Variants in ZNF254 observed in about 807,000 individuals in gnomAD.
The protein encoded by ZNF254 is CTD-2017D11.1.
A neutral mutation model predicts 12.4 loss-of-function variants in ZNF254; 10 were observed. The ratio of observed to expected loss-of-function variants is 0.80; its 90% CI spans 0.50 to 1.36. The LOEUF is 1.36. Ranked by LOEUF, ZNF254 falls within the 40% of genes most tolerant of loss-of-function variation. The pLI, the probability that ZNF254 is intolerant of heterozygous loss-of-function variation, is 0.00. For synonymous variants in ZNF254, 305 were observed against 253.4 expected, an observed-to-expected ratio of 1.20 and a Z score of -1.93; for missense variants, 996 against 763.9, an observed-to-expected ratio of 1.30 and a Z score of -3.58.
chr19:24,037,832 C>G (rs1351901817), intron 1 of ZNF254, among the ~76,000 whole-genome samples: 1 of 152,192 alleles, frequency 6.6e-6, no homozygotes, highest in African/African-American at 2.4e-5. Flanking sequence ...TGGTCTCGAG[C>G]TCCCGACCTC....
At chr19:24,040,318 G>A (rs571985831) in intron 1 of ZNF254, among the ~76,000 whole-genome samples, 67 of 152,160 alleles carry the variant, frequency 4.4e-4, no homozygotes, top group Non-Finnish European at 7.5e-4. Flanking sequence ...AAACCTAAAA[G>A]CAAATAAATG....
intron 1 of ZNF254, among the ~76,000 whole-genome samples, chr19:24,090,760 T>C (rs1385596764): frequency 6.6e-6 from 1 of 152,116 alleles, no homozygotes; most frequent in Non-Finnish European, 1.5e-5. Flanking sequence ...TAACTGTGTA[T>C]TGCATTTTAT....
In ZNF254 at chr19:24,087,427, C is replaced by G. The variant is rs898373759; in HGVS notation, c.30+90C>G. ...CTGTGGCGGGACTCAGGCCTCCCCC[C>G]AGTCAGCTCCACAATCTGCGCCCAG... On this transcript the variant is annotated intron_variant, in intron 1 of 3. Transcript: ENST00000357002. The G allele has an allele frequency of 3.1e-4, 469 of 1,532,514 alleles. 1 individual carries two copies. The East Asian group carries it at 8.7e-3, about 28-fold the overall frequency. The allele number at this position is 1,532,514 out of a possible 1,614,324, so 94.9% of individuals were successfully genotyped here.
At chr19:24,105,360 A>AAAAAAC (rs1973274337) in intron 1 of ZNF254, 2 of 234,762 alleles carry the variant, frequency 8.5e-6, no homozygotes, top group African/African-American at 2.4e-5. Context: ...AAAACTAAAA[A>AAAAAAC]AAAAAACAAA....
intron 2 of ZNF254, chr19:24,079,100 T>A (rs1444136494): frequency 6.6e-6 from 1 of 152,118 alleles, no homozygotes; most frequent in Non-Finnish European, 1.5e-5. Flanking sequence ...GTAGGGAAAA[T>A]GGGATAAAAT....
intron 2 of ZNF254, among the ~76,000 whole-genome samples, chr19:24,074,279 C>G (rs1165635666): frequency 2.6e-5 from 4 of 152,106 alleles, no homozygotes; most frequent in African/African-American, 7.2e-5. Context: ...ATTACTGGGC[C>G]CAGCATCGAG....
intron 3 of ZNF254, among the ~76,000 whole-genome samples, chr19:24,109,895 ATTTT>A (rs748822710): frequency 4.0e-5 from 5 of 124,652 alleles, no homozygotes; most frequent in African/African-American, 1.5e-4. Context: ...CTAATTTTGT[ATTTT>A]TTTTTTTTTT....
At chr19:24,071,339 A>G (rs1971473627) in intron 2 of ZNF254, among the ~76,000 whole-genome samples, 2 of 152,178 alleles carry the variant, frequency 1.3e-5, no homozygotes, top group Non-Finnish European at 2.9e-5. Context: ...CAGGAGACAT[A>G]GTGAATGTCC....
rs943354506 is a variant in ZNF254, at chr19:24,091,508, T to G, written c.30+4171T>G. Among the ~76,000 whole-genome samples the G allele has an allele frequency of 2.6e-5, 4 of 152,144 alleles. No homozygotes were observed. The East Asian group carries it at 5.8e-4, about 22-fold the overall frequency. The stretch of plus-strand genomic sequence containing the variant: ...TTTTTTTGTGTGTTTGATTGTTTTT[T>G]GAGATAAAGAGTTGCACTGCGACAC... On this transcript the variant is annotated intron_variant, in intron 1 of 3. Transcript: ENST00000357002.
chr19:24,069,691 G>A (rs548124942), intron 2 of ZNF254, among the ~76,000 whole-genome samples: 2 of 150,876 alleles, frequency 1.3e-5, no homozygotes, highest in South Asian at 2.1e-4. Flanking sequence ...GCCGGCTCAC[G>A]CCTGTAATCT....
Position 24,126,411 on chromosome 19 carries a change from A to G in ZNF254, c.411A>G (p.Glu137=), listed in dbSNP as rs1388442461. Reference sequence around the variant, plus strand: ...TGGATGAGTATAAGGTGAACAAAGAAGGTTATAATGGACTTAACCAGTGTT... The same window carrying G: ...TGGATGAGTATAAGGTGAACAAAGAGGGTTATAATGGACTTAACCAGTGTT... ...KSVDEYKVNK[E]GYNGLNQCFT... Residue 137 remains glutamate (E), a synonymous_variant, in exon 4 of 4, where the codon GAA becomes GAG. Coordinates refer to ENST00000357002, the MANE Select transcript of ZNF254 (RefSeq NM_203282.4). The G allele has an allele frequency of 6.2e-7, 1 of 1,605,262 alleles. No homozygotes were observed. The highest frequency in any genetic ancestry group is 2.2e-5 in the East Asian group (1 of 44,800).
At chr19:24,085,429 A>AC (rs1972001714), upstream of ZNF254, among the ~76,000 whole-genome samples, 4 of 3,262 alleles carry the variant, frequency 1.2e-3, no homozygotes, top group African/African-American at 2.8e-3. Context: ...TATATATAAA[A>AC]ACTAAGATTT....
At chr19:24,090,165 T>G (rs1972285779) in intron 1 of ZNF254, among the ~76,000 whole-genome samples, 1 of 151,726 alleles carries the variant, frequency 6.6e-6, no homozygotes, top group African/African-American at 2.4e-5. Context: ...GCCACTGCAC[T>G]CCAGCCTGGG....
At chr19:24,071,221 C>A (rs80032864) in intron 2 of ZNF254, among the ~76,000 whole-genome samples, 1 of 152,224 alleles carries the variant, frequency 6.6e-6, no homozygotes, top group East Asian at 1.9e-4. Flanking sequence ...CAAGCACCTA[C>A]GTGATGTTAC....
intron 2 of ZNF254, chr19:24,046,376 TATATATATATATATATA>T (rs1970389026): frequency 7.5e-6 from 1 of 132,682 alleles, no homozygotes; most frequent in Non-Finnish European, 1.5e-5. Flanking sequence ...TTATTTTTTA[TATATATATATATATATA>T]TATATATGTG....
rs541072628 is a variant in ZNF254 at position 24,108,127 on chromosome 19, A to G, written c.253+1484A>G. 2.6e-5 allele frequency among the ~76,000 whole-genome samples: 4 copies of G among 152,280 alleles called. No individual in the cohort carries two copies. The South Asian group carries it at 8.3e-4, about 32-fold the overall frequency. Reference sequence around the variant, plus strand: ...TTCCGAGGTAACTTTGGGTTTCTACATAGGCAAAACCGGCCATGAACTATG... The same window carrying G: ...TTCCGAGGTAACTTTGGGTTTCTACGTAGGCAAAACCGGCCATGAACTATG... On this transcript the variant is annotated intron_variant, in intron 3 of 3. Coordinates refer to ENST00000357002, the MANE Select transcript of ZNF254 (RefSeq NM_203282.4).
chr19:24,050,415 C>T (rs1970601980), intron 2 of ZNF254, among the ~76,000 whole-genome samples: 1 of 152,220 alleles, frequency 6.6e-6, no homozygotes, highest in South Asian at 2.1e-4. Flanking sequence ...CCGCCTTGAC[C>T]TCCCAATGTG....
intron 2 of ZNF254, 27 bp downstream of exon 2, chr19:24,106,093 C>T: frequency 2.6e-6 from 4 of 1,543,398 alleles, no homozygotes; most frequent in Non-Finnish European, 3.5e-6. Flanking sequence ...TACAAAATTC[C>T]TCACATAAAC....
upstream of ZNF254, among the ~76,000 whole-genome samples, chr19:24,085,168 G>T (rs567331918): frequency 6.6e-6 from 1 of 150,504 alleles, no homozygotes; most frequent in Admixed American, 6.6e-5. Context: ...TCCTGACCTC[G>T]TGATCCACCC....
Sources: gnomAD v4.1 joint callset for allele counts (sites outside exome capture counted in the v4.1 genomes callset) on GRCh38, gnomAD v4.1.1 for gene constraint, MANE v1.5 for transcripts, NCBI Gene and HGNC (gene_info 2026-07-23, HGNC 2026-07-21) for gene names.